Variants in LINGO2 observed in about 807,000 individuals in gnomAD.
LINGO2 encodes the protein leucine-rich repeat and immunoglobulin-like domain-containing nogo receptor-interacting protein 2.
A neutral mutation model predicts 30.6 loss-of-function variants in LINGO2; 14 were observed. The observed-to-expected ratio is 0.46, with a 90% CI of 0.30 to 0.72. The LOEUF (loss-of-function observed/expected upper bound fraction) is 0.72, where lower values mean the gene tolerates loss of function less well. Among genes scored for constraint, LINGO2 ranks in the 30% least tolerant of loss-of-function variants. The pLI, the probability that LINGO2 is intolerant of heterozygous loss-of-function variation, is 0.07. For synonymous variants in LINGO2, 317 were observed against 288.5 expected (o/e 1.10, Z -1.00); for missense variants, 729 against 751.7 (o/e 0.97, Z 0.35).
intron 4 of LINGO2, among the ~76,000 whole-genome samples, chr9:28,233,250 G>C (rs1821438393): frequency 6.6e-6 from 1 of 151,520 alleles, no homozygotes; most frequent in African/African-American, 2.4e-5. Context: ...ATAAGTGACA[G>C]ATAAACTAAT....
At chr9:28,096,332 T>G (rs1826241452) in intron 4 of LINGO2, among the ~76,000 whole-genome samples, 1 of 152,212 alleles carries the variant, frequency 6.6e-6, no homozygotes, top group African/African-American at 2.4e-5. Context: ...ACATTTACAC[T>G]ACATATGTAA....
At chr9:28,975,234 G>GA in the LINGO2 span, among the ~76,000 whole-genome samples, 23 of 151,714 alleles carry the variant, frequency 1.5e-4, no homozygotes, top group South Asian at 3.3e-3. Context: ...GAAAAGCAGA[G>GA]AAAAAAAACC....
intron 1 of LINGO2, among the ~76,000 whole-genome samples, chr9:28,637,411 A>G (rs529505189): frequency 6.6e-6 from 1 of 152,168 alleles, no homozygotes; most frequent in South Asian, 2.1e-4. Flanking sequence ...TTACCTTGGG[A>G]AGTATGGCCA....
At chr9:28,408,797 A>AC (rs1822626370) in intron 2 of LINGO2, among the ~76,000 whole-genome samples, 1 of 147,246 alleles carries the variant, frequency 6.8e-6, no homozygotes, top group East Asian at 2.0e-4. Context: ...ACAAAAAAAA[A>AC]CAAATAGAAA....
chr9:29,095,061 A>T, the LINGO2 span, among the ~76,000 whole-genome samples: 10 of 138,966 alleles, frequency 7.2e-5, 1 homozygote, highest in South Asian at 2.3e-3. Flanking sequence ...TGAGTATCAG[A>T]AATGTTTACA....
At chr9:28,783,662 A>G in the LINGO2 span, among the ~76,000 whole-genome samples, 1 of 152,226 alleles carries the variant, frequency 6.6e-6, no homozygotes, top group East Asian at 1.9e-4. Context: ...GGGTGTGGAA[A>G]GATAAGTGGA....
chr9:28,616,092 C>T (rs1299110043), intron 1 of LINGO2, among the ~76,000 whole-genome samples: 1 of 151,934 alleles, frequency 6.6e-6, no homozygotes, highest in Admixed American at 6.6e-5. Context: ...ATGGTATGTT[C>T]AATTTGTGAA....
chr9:28,355,307 C>CTG (rs1820137765), intron 3 of LINGO2, among the ~76,000 whole-genome samples: 10 of 48,240 alleles, frequency 2.1e-4, no homozygotes, highest in East Asian at 6.9e-4. Context: ...ATGTCTCTCT[C>CTG]TCTCTCTCTC....
rs970708214 is a variant in LINGO2 at position 28,104,271 on chromosome 9, T to TG, written c.-86-91867_-86-91866insC. On this transcript the variant is annotated intron_variant, in intron 4 of 5. Coordinates refer to ENST00000379992, the Ensembl canonical transcript of LINGO2. ...CCAGTACAAGTTTTTTGTTTGTTTT[T>TG]TTTTTTTTTTTTTTTGCTTTTTTTT... Among the ~76,000 whole-genome samples, 7 of 146,760 alleles carry TG rather than the reference T, an allele frequency of 4.8e-5. No individual in the cohort carries two copies. The East Asian group carries it at 8.1e-4, about 17-fold the overall frequency.
chr9:28,909,182 T>C, the LINGO2 span, among the ~76,000 whole-genome samples: 5 of 151,924 alleles, frequency 3.3e-5, no homozygotes, highest in Admixed American at 6.6e-5. Context: ...GTGTTGTATG[T>C]AGTAATCTTT....
At chr9:28,241,267 C>CAAAAAAAA (rs1164724626) in intron 4 of LINGO2, among the ~76,000 whole-genome samples, 10 of 83,576 alleles carry the variant, frequency 1.2e-4, no homozygotes, top group South Asian at 4.3e-4. Context: ...GACCCTGTCT[C>CAAAAAAAA]AAAAAAAAAA....
At chr9:28,058,408 T>C (rs1825027890) in intron 4 of LINGO2, among the ~76,000 whole-genome samples, 1 of 152,180 alleles carries the variant, frequency 6.6e-6, no homozygotes, top group African/African-American at 2.4e-5. Flanking sequence ...AATGTAGTTT[T>C]ACACAAGAGA....
intron 1 of LINGO2, among the ~76,000 whole-genome samples, chr9:28,587,838 C>T (rs146553143): frequency 2.0e-5 from 3 of 152,032 alleles, no homozygotes; most frequent in East Asian, 2.0e-4. Context: ...CTAACCCTAA[C>T]AGATTCTAGC....
chr9:29,212,974 G>A, the LINGO2 span, among the ~76,000 whole-genome samples: 1 of 152,232 alleles, frequency 6.6e-6, no homozygotes. Flanking sequence ...AGCCAAGGAT[G>A]CGACGCACAC....
the LINGO2 span, among the ~76,000 whole-genome samples, chr9:28,757,430 G>C: frequency 6.6e-6 from 1 of 151,960 alleles, no homozygotes; most frequent in Non-Finnish European, 1.5e-5. Flanking sequence ...GTAATGTTGA[G>C]CACACTGAAT....
chr9:28,014,885 T>G (rs1430396453), intron 4 of LINGO2, among the ~76,000 whole-genome samples: 2 of 152,168 alleles, frequency 1.3e-5, no homozygotes, highest in African/African-American at 2.4e-5. Context: ...TAGAAAACTC[T>G]CCAAATAATC....
chr9:28,707,061 A>G, the LINGO2 span, among the ~76,000 whole-genome samples: 1 of 152,150 alleles, frequency 6.6e-6, no homozygotes, highest in African/African-American at 2.4e-5. Context: ...ATTGGTTTGC[A>G]ATATGAATTC....
the LINGO2 span, among the ~76,000 whole-genome samples, chr9:29,099,152 T>C: frequency 1.3e-5 from 2 of 152,288 alleles, no homozygotes; most frequent in Admixed American, 6.5e-5. Context: ...CTTCAATCGA[T>C]AGTGCTGGGA....
chr9:29,139,678 G>A, the LINGO2 span, among the ~76,000 whole-genome samples: 2 of 152,102 alleles, frequency 1.3e-5, no homozygotes, highest in Non-Finnish European at 2.9e-5. Context: ...AAGCCAGTAA[G>A]TAAATTAGTG....
Sources: allele counts gnomAD v4.1 joint callset (sites outside exome capture counted in the v4.1 genomes callset), GRCh38; gene constraint gnomAD v4.1.1; transcripts MANE v1.5; gene names NCBI Gene and HGNC (gene_info 2026-07-23, HGNC 2026-07-21).